The following IDO2 variants were observed in gnomAD, a reference collection of about 807,000 sequenced individuals.
IDO2 encodes indoleamine 2,3-dioxygenase 2.
IDO2 carries 46 observed loss-of-function variants against 45.1 expected under a neutral mutation model. The ratio of observed to expected loss-of-function variants is 1.02; its 90% confidence interval spans 0.80 to 1.30. IDO2 has a LOEUF of 1.30. Ranked by LOEUF, IDO2 falls within the 50% of genes most tolerant of loss-of-function variation. The pLI is 0.00. For synonymous variants in IDO2, 218 were observed against 184.9 expected (o/e 1.18, Z -1.45); for missense variants, 544 against 491.8 (o/e 1.11, Z -1.00).
At chr8:39,971,957 T>C (rs1258350816) in intron 3 of IDO2, among the ~76,000 whole-genome samples, 2 of 152,134 alleles carry the variant, frequency 1.3e-5, no homozygotes, top group African/African-American at 2.4e-5. Flanking sequence ...TATAGGTGCC[T>C]GCCACCATGC....
intron 3 of IDO2, among the ~76,000 whole-genome samples, chr8:39,965,600 C>T (rs1315548846): frequency 6.6e-6 from 1 of 152,100 alleles, no homozygotes; most frequent in Non-Finnish European, 1.5e-5. Context: ...TGAAAGTGGT[C>T]TTATTTGGAA....
exon 8 of IDO2, chr8:39,989,815 C>T: frequency 2.5e-6 from 4 of 1,599,144 alleles, no homozygotes; most frequent in Non-Finnish European, 2.6e-6. Context: ...CAGGACATCA[C>T]CAAAACCTTA....
rs1563438325 is a variant in IDO2 at position 39,995,264 on chromosome 8, C to CTT, written c.667+5426_667+5427insTT. The CTT allele has an allele frequency of 4.2e-3, 444 of 105,990 alleles. 6 individuals carry two copies. The highest frequency in any genetic ancestry group is 6.2e-3 in the East Asian group (26 of 4,196). 6.6% of individuals were successfully genotyped at this position (105,990 alleles called of 1,614,324 possible). A position where few individuals can be genotyped will look rare whatever the true frequency, so the allele number is the denominator to read the frequency against. On this transcript the variant is annotated intron_variant, in intron 8 of 10. Transcript: ENST00000502986. ...CCTTCTCCTTCTCCTTCTTCTTCTT[C>CTT]CTCTTCTTCTTCTTCTTCTTCTTCT...
At chr8:39,958,969 A>G (rs1275252287) in intron 2 of IDO2, among the ~76,000 whole-genome samples, 2 of 152,198 alleles carry the variant, frequency 1.3e-5, no homozygotes, top group Non-Finnish European at 2.9e-5. Context: ...TGTCTTTTCA[A>G]TATCATCCTG....
At chr8:40,007,048 A>G (rs1041112076) in intron 9 of IDO2, among the ~76,000 whole-genome samples, 1 of 151,902 alleles carries the variant, frequency 6.6e-6, no homozygotes, top group African/African-American at 2.4e-5. Context: ...CTTCCTATTA[A>G]CTTCGGAAAT....
At chr8:39,955,874 C>T (rs1427896248) in intron 2 of IDO2, among the ~76,000 whole-genome samples, 2 of 152,086 alleles carry the variant, frequency 1.3e-5, no homozygotes, top group South Asian at 4.1e-4. Flanking sequence ...AACATTAAAA[C>T]GTAACCATAG....
At chr8:39,999,881 G>A (rs574739731) in intron 8 of IDO2, among the ~76,000 whole-genome samples, 2 of 152,294 alleles carry the variant, frequency 1.3e-5, no homozygotes, top group African/African-American at 4.8e-5. Flanking sequence ...ATTCACCAGA[G>A]GCAGCCAGTG....
intron 2 of IDO2, among the ~76,000 whole-genome samples, chr8:39,963,260 A>G (rs1808026348): frequency 6.6e-6 from 1 of 152,220 alleles, no homozygotes; most frequent in East Asian, 1.9e-4. Context: ...CAACTGTCAT[A>G]TTTTTATGAA....
chr8:39,978,194 G>T (rs931097473), intron 3 of IDO2, among the ~76,000 whole-genome samples: 1 of 152,222 alleles, frequency 6.6e-6, no homozygotes, highest in African/African-American at 2.4e-5. Flanking sequence ...AGGAGCCCCA[G>T]CTCTGTGCCC....
At chr8:39,959,675 T>C (rs1807963770) in intron 2 of IDO2, among the ~76,000 whole-genome samples, 1 of 151,996 alleles carries the variant, frequency 6.6e-6, no homozygotes, top group African/African-American at 2.4e-5. Flanking sequence ...TACAAAAAAT[T>C]AGCCAGGCAT....
At chr8:40,000,640 T>TGTTTGTTTGTTGTGA (rs1802121413) in intron 8 of IDO2, among the ~76,000 whole-genome samples, 1 of 151,762 alleles carries the variant, frequency 6.6e-6, no homozygotes, top group Admixed American at 6.6e-5. Context: ...CACTTATTTC[T>TGTTTGTTTGTTGTGA]GTTTGTTTGT....
intron 3 of IDO2, among the ~76,000 whole-genome samples, chr8:39,972,857 G>A (rs1808200969): frequency 6.6e-6 from 1 of 152,084 alleles, no homozygotes; most frequent in South Asian, 2.1e-4. Context: ...ATGATCATTA[G>A]CATATTTTAG....
chr8:39,962,235 C>T (rs1808009734), intron 2 of IDO2, among the ~76,000 whole-genome samples: 1 of 152,160 alleles, frequency 6.6e-6, no homozygotes, highest in African/African-American at 2.4e-5. Flanking sequence ...CTTAAGCCCC[C>T]AGCCCCAAAT....
rs187142976 is a variant in IDO2 at position 39,962,876 on chromosome 8, G to A, written c.100-732G>A. On this transcript the variant is annotated intron_variant, in intron 2 of 10. Transcript: ENST00000502986. ...TATTCACCCAAGCAAACCATAGGTA[G>A]TATCAGAAAAGGCAACATTTGATTG... Among the ~76,000 whole-genome samples the A allele has an allele frequency of 3.3e-4, 51 of 152,352 alleles. 1 individual carries two copies. In the East Asian group the frequency reaches 9.2e-3, roughly 28 times the overall value.
chr8:39,985,220 T>C (rs112726856), intron 5 of IDO2: 12 of 455,290 alleles, frequency 2.6e-5, no homozygotes, highest in African/African-American at 1.8e-4. Context: ...TGAGCCACTG[T>C]GCCCAGCCTA....
intron 2 of IDO2, 94 bp downstream of exon 2, chr8:39,949,358 C>A: frequency 1.2e-6 from 1 of 854,186 alleles, no homozygotes; most frequent in Non-Finnish European, 1.8e-6. Flanking sequence ...TATTAAGAGA[C>A]CAATATAAAT....
At chr8:39,948,331 C>T (rs1807768745) in intron 1 of IDO2, among the ~76,000 whole-genome samples, 1 of 152,212 alleles carries the variant, frequency 6.6e-6, no homozygotes, top group Non-Finnish European at 1.5e-5. Context: ...TCCTCCCCTC[C>T]CTGCTCACCA....
chr8:40,000,432 A>C (rs906862930), intron 8 of IDO2, among the ~76,000 whole-genome samples: 3 of 152,110 alleles, frequency 2.0e-5, no homozygotes, highest in Non-Finnish European at 4.4e-5. Flanking sequence ...AAGTATTCCT[A>C]AACAGCATAT....
At chr8:39,984,214 C>T (rs1217431720) in intron 5 of IDO2, among the ~76,000 whole-genome samples, 1 of 152,196 alleles carries the variant, frequency 6.6e-6, no homozygotes, top group Admixed American at 6.5e-5. Flanking sequence ...GCGGCTCATG[C>T]CTATAATCCC....
Sources: gnomAD v4.1 joint callset for allele counts (sites outside exome capture counted in the v4.1 genomes callset) on GRCh38, gnomAD v4.1.1 for gene constraint, MANE v1.5 for transcripts, NCBI Gene and HGNC (gene_info 2026-07-23, HGNC 2026-07-21) for gene names.